The following NPC1 variants were observed in gnomAD, a reference collection of about 807,000 sequenced individuals.
NPC1 encodes the protein Niemann-Pick C1 protein.
A neutral mutation model predicts 140.4 loss-of-function variants in NPC1; 85 were observed. The ratio of observed to expected loss-of-function variants is 0.61; its 90% CI spans 0.51 to 0.72. NPC1 has a LOEUF of 0.72. Among genes scored for constraint, NPC1 ranks in the 30% least tolerant of loss-of-function variants. NPC1 has a pLI of 0.00. For missense variants in NPC1, 1,504 were observed against 1,623.8 expected (o/e 0.93, Z 1.27); for synonymous variants, 656 against 624.8 (o/e 1.05, Z -0.74).
chr18:23,514,776 A>G (rs1174336630), intron 3 of NPC1, among the ~76,000 whole-genome samples: 1 of 152,166 alleles, frequency 6.6e-6, no homozygotes, highest in East Asian at 1.9e-4. Flanking sequence ...TCAGATCTTC[A>G]AGAAAAAAGT....
intron 10 of NPC1, among the ~76,000 whole-genome samples, chr18:23,551,036 G>A (rs2058864942): frequency 6.6e-6 from 1 of 152,210 alleles, no homozygotes; most frequent in South Asian, 2.1e-4. Flanking sequence ...AAAACCTGTT[G>A]AGCCTGTAAT....
intron 22 of NPC1, 33 bp downstream of exon 22, chr18:23,535,436 C>T: frequency 1.4e-6 from 2 of 1,466,350 alleles, no homozygotes; most frequent in East Asian, 2.3e-5. Context: ...GAAACAGGAG[C>T]TAGGGACAAA....
chr18:23,584,281 T>C (rs1384681546), intron 1 of NPC1, among the ~76,000 whole-genome samples: 4 of 152,234 alleles, frequency 2.6e-5, no homozygotes, highest in Admixed American at 2.6e-4. Context: ...TGAGCTGCTA[T>C]CATCGGTACG....
chr18:23,537,014 A>C, intron 20 of NPC1, 138 bp from the exon 21 acceptor site: 2 of 722,326 alleles, frequency 2.8e-6, no homozygotes, highest in South Asian at 3.0e-5. Flanking sequence ...GGGATGAAGA[A>C]GGCCCCCAGA....
intron 1 of NPC1, among the ~76,000 whole-genome samples, chr18:23,582,601 G>A (rs1052528581): frequency 1.3e-5 from 2 of 150,324 alleles, no homozygotes; most frequent in South Asian, 2.1e-4. Flanking sequence ...TCAGGAGTTC[G>A]AGACCAGCCT....
intron 16 of NPC1, 29 bp from the exon 17 acceptor site, chr18:23,540,566 A>C (rs2058700312): frequency 2.1e-6 from 3 of 1,431,720 alleles, no homozygotes. Context: ...CATAAGACAG[A>C]GACTGCTTAG....
At chr18:23,577,620 C>T (rs535528941) in intron 1 of NPC1, among the ~76,000 whole-genome samples, 131 of 152,382 alleles carry the variant, frequency 8.6e-4, no homozygotes, top group African/African-American at 2.9e-3. Context: ...AGTCCTGCGC[C>T]GTGCGCCTGC....
intron 6 of NPC1, 86 bp downstream of exon 6, chr18:23,560,145 G>C: frequency 6.5e-7 from 1 of 1,545,980 alleles, no homozygotes. Context: ...CTTGTCCTAA[G>C]TAACCAAGCT....
At chr18:23,547,126 A>G (rs1194210991) in intron 11 of NPC1, among the ~76,000 whole-genome samples, 1 of 152,062 alleles carries the variant, frequency 6.6e-6, no homozygotes, top group African/African-American at 2.4e-5. Flanking sequence ...CCTGAACTGT[A>G]TACTTTAAGT....
chr18:23,533,194 G>A (rs2058566105), intron 24 of NPC1, 161 bp downstream of exon 24: 1 of 810,966 alleles, frequency 1.2e-6, no homozygotes, highest in African/African-American at 1.7e-5. Context: ...TCCCCTGGAT[G>A]GGTTTTTTCT....
At chr18:23,556,108 G>A (rs1024201568) in intron 8 of NPC1, 135 bp downstream of exon 8, 11 of 773,526 alleles carry the variant, frequency 1.4e-5, no homozygotes, top group Non-Finnish European at 2.2e-5. Flanking sequence ...AGGCAGCTTT[G>A]CCATTATACG....
At chr18:23,568,306 AC>A (rs1281499124) in intron 4 of NPC1, among the ~76,000 whole-genome samples, 1 of 151,980 alleles carries the variant, frequency 6.6e-6, no homozygotes. Context: ...TGTGAATGAG[AC>A]CTTTTTTCTA....
At chr18:23,526,516 T>C, downstream of NPC1, 1 of 1,182,596 alleles carries the variant, frequency 8.5e-7, no homozygotes. Context: ...CTACACTGAC[T>C]GTACTTTGCG....
chr18:23,571,491 T>C (rs2059202612), intron 3 of NPC1, among the ~76,000 whole-genome samples: 1 of 152,010 alleles, frequency 6.6e-6, no homozygotes, highest in South Asian at 2.1e-4. Context: ...ACCCCACCTC[T>C]ACTAAAAATA....
intron 23 of NPC1, 77 bp from the exon 24 acceptor site, chr18:23,533,594 T>C: frequency 1.4e-6 from 2 of 1,414,330 alleles, no homozygotes; most frequent in Non-Finnish European, 2.0e-6. Context: ...TACAAGGATT[T>C]CTCCCAGGTT....
chr18:23,530,087 G>C (rs757672412), downstream of NPC1: 3 of 1,614,046 alleles, frequency 1.9e-6, no homozygotes, highest in African/African-American at 1.3e-5. Context: ...TTTATATGCT[G>C]CATCAGTTCC....
At chr18:23,526,849 T>A (rs921924668), downstream of NPC1, 3 of 1,522,650 alleles carry the variant, frequency 2.0e-6, no homozygotes, top group Non-Finnish European at 2.7e-6. Context: ...TGGGCTACAT[T>A]GTTGTGTCTT....
chr18:23,561,371 G>A lies in NPC1; in HGVS notation c.620C>T (p.Pro207Leu), dbSNP rs2059035616. The A allele has an allele frequency of 6.2e-7, 1 of 1,614,096 alleles. No individual in the cohort carries two copies. Among genetic ancestry groups the A allele is most frequent in the East Asian group, 2.2e-5 (1 of 44,882 alleles). The change falls in exon 5 of 25, where the codon CCT becomes CTT. Residue 207 changes from proline to leucine, a missense_variant. Physicochemically the swap from Pro to Leu is moderately conservative, Grantham distance 98 (BLOSUM62 -3). Coordinates refer to ENST00000269228, the MANE Select transcript of NPC1 (RefSeq NM_000271.5). ...DNGQAPFTITPVFSDFPVHGM... is the reference protein window; with the variant it reads ...DNGQAPFTITLVFSDFPVHGM... ...ATCTTTATACCTACCTGAAAACACA[G>A]GAGTGATGGTAAAAGGTGCCTGTCC...
At chr18:23,516,409 C>T in intron 3 of NPC1, 6 of 1,614,088 alleles carry the variant, frequency 3.7e-6, no homozygotes, top group South Asian at 1.1e-5. Flanking sequence ...AAAGAGACAT[C>T]GCAATGGCTA....
Sources: allele counts gnomAD v4.1 joint callset (sites outside exome capture counted in the v4.1 genomes callset), GRCh38; gene constraint gnomAD v4.1.1; transcripts MANE v1.5; gene names NCBI Gene and HGNC (gene_info 2026-07-23, HGNC 2026-07-21).